Variants in MORC1 observed in about 807,000 individuals in gnomAD.
MORC1 encodes the protein MORC family CW-type zinc finger 1.
In MORC1, 59 loss-of-function variants were observed where a neutral mutation model predicts 134.9. The ratio of observed to expected loss-of-function variants is 0.44; its 90% confidence interval spans 0.35 to 0.54. MORC1 has a LOEUF of 0.54. Among genes scored for constraint, MORC1 ranks in the 20% least tolerant of loss-of-function variants. The pLI is 0.00. For missense variants in MORC1, 947 were observed against 1,134.5 expected, an observed-to-expected ratio of 0.83 and a Z score of 2.37; for synonymous variants, 395 against 391.7, an observed-to-expected ratio of 1.01 and a Z score of -0.10.
intron 13 of MORC1, among the ~76,000 whole-genome samples, 155 bp from the exon 14 acceptor site, chr3:109,055,037 A>G (rs1428197900): frequency 6.6e-6 from 1 of 152,084 alleles, no homozygotes; most frequent in African/African-American, 2.4e-5. Flanking sequence ...TAATTATGTT[A>G]TCATAAGTCT....
At chr3:109,082,149 T>C (rs1950533345) in intron 8 of MORC1, among the ~76,000 whole-genome samples, 1 of 151,912 alleles carries the variant, frequency 6.6e-6, no homozygotes, top group South Asian at 2.1e-4. Flanking sequence ...TTTCCCTATT[T>C]AGGACAGGGC....
At position 109,079,447 on chromosome 3, in the gene MORC1, T is replaced by C. The variant is rs142405098; in HGVS notation, c.690-9690A>G. On this transcript the variant is annotated intron_variant, in intron 8 of 27. Coordinates refer to ENST00000232603, the MANE Select transcript of MORC1 (RefSeq NM_014429.4). Reference sequence around the variant, plus strand: ...TATGCAGAAAAGAATAAGAATCACATTTCCTCACACAAAAAAATAAATAAA... The same window carrying C: ...TATGCAGAAAAGAATAAGAATCACACTTCCTCACACAAAAAAATAAATAAA... Among the ~76,000 whole-genome samples the C allele has an allele frequency of 5.5e-4, 83 of 152,158 alleles. 1 individual carries two copies. The highest frequency in any genetic ancestry group is 1.9e-3 in the African/African-American group (80 of 41,556).
chr3:108,978,780 T>C (rs1185953916), intron 24 of MORC1, among the ~76,000 whole-genome samples: 1 of 152,158 alleles, frequency 6.6e-6, no homozygotes, highest in Non-Finnish European at 1.5e-5. Flanking sequence ...GTAGGGCATG[T>C]TGTTTGTTTT....
At chr3:109,068,618 G>A (rs1950250254) in intron 9 of MORC1, among the ~76,000 whole-genome samples, 1 of 152,118 alleles carries the variant, frequency 6.6e-6, no homozygotes, top group South Asian at 2.1e-4. Flanking sequence ...GTTGACTGAT[G>A]GGCATTTGGG....
chr3:109,057,136 A>C (rs1949979595), intron 13 of MORC1, among the ~76,000 whole-genome samples: 1 of 152,184 alleles, frequency 6.6e-6, no homozygotes, highest in African/African-American at 2.4e-5. Flanking sequence ...AAAATTTCCC[A>C]AAGTGTGCTT....
intron 8 of MORC1, among the ~76,000 whole-genome samples, chr3:109,071,877 G>C (rs916530276): frequency 6.6e-6 from 1 of 152,110 alleles, no homozygotes; most frequent in African/African-American, 2.4e-5. Flanking sequence ...TATCAGCTAG[G>C]AAAGGTTTTA....
intron 1 of MORC1, among the ~76,000 whole-genome samples, chr3:109,116,022 C>T (rs936187911): frequency 2.0e-5 from 3 of 152,094 alleles, no homozygotes; most frequent in Middle Eastern, 3.2e-3. Context: ...GATACAAAGA[C>T]CCTCGAAGCA....
chr3:109,079,090 A>T (rs889703964), intron 8 of MORC1, among the ~76,000 whole-genome samples: 13 of 152,178 alleles, frequency 8.5e-5, no homozygotes, highest in Admixed American at 1.3e-4. Context: ...AATAATAGAA[A>T]TGGGGGAAGA....
chr3:109,068,287 G>A (rs2107702653), intron 9 of MORC1, among the ~76,000 whole-genome samples: 1 of 152,276 alleles, frequency 6.6e-6, no homozygotes, highest in East Asian at 1.9e-4. Flanking sequence ...GGTAATCTGT[G>A]AGATCCTGGT....
chr3:109,019,372 GA>G (rs1215495855), intron 17 of MORC1, among the ~76,000 whole-genome samples: 1 of 152,144 alleles, frequency 6.6e-6, no homozygotes, highest in Non-Finnish European at 1.5e-5. Flanking sequence ...GAGCTACTCA[GA>G]AAAAGAAATT....
intron 2 of MORC1, among the ~76,000 whole-genome samples, chr3:109,112,373 A>G (rs929009123): frequency 1.3e-5 from 2 of 152,230 alleles, no homozygotes; most frequent in Non-Finnish European, 2.9e-5. Context: ...TAAAATATTG[A>G]ATACAATGAT....
intron 21 of MORC1, among the ~76,000 whole-genome samples, chr3:108,999,284 G>T (rs145925562): frequency 1.3e-5 from 2 of 151,990 alleles, no homozygotes; most frequent in East Asian, 1.9e-4. Context: ...CCTTCAAAGG[G>T]CTACTTCAAA....
At chr3:109,005,905 G>A (rs1400413170) in intron 18 of MORC1, among the ~76,000 whole-genome samples, 1 of 152,080 alleles carries the variant, frequency 6.6e-6, no homozygotes, top group Non-Finnish European at 1.5e-5. Flanking sequence ...CTCCGCAACA[G>A]TGCTGAGGGC....
At chr3:108,969,965 G>A (rs2107387439) in intron 25 of MORC1, among the ~76,000 whole-genome samples, 1 of 152,248 alleles carries the variant, frequency 6.6e-6, no homozygotes, top group Middle Eastern at 3.4e-3. Flanking sequence ...TTAAAAAATT[G>A]TGCAGATACA....
At chr3:109,018,524 G>A (rs188479673) in intron 17 of MORC1, among the ~76,000 whole-genome samples, 53 of 152,028 alleles carry the variant, frequency 3.5e-4, no homozygotes, top group Admixed American at 2.9e-3. Flanking sequence ...TTACAACTCA[G>A]GGCCCTTCCC....
At chr3:109,081,952 G>A (rs565690344) in intron 8 of MORC1, among the ~76,000 whole-genome samples, 1 of 152,210 alleles carries the variant, frequency 6.6e-6, no homozygotes, top group East Asian at 1.9e-4. Context: ...ACAAGTGTCT[G>A]GAGGGAGAAA....
At chr3:108,996,967 G>A (rs1490659661) in intron 21 of MORC1, among the ~76,000 whole-genome samples, 3 of 129,404 alleles carry the variant, frequency 2.3e-5, no homozygotes, top group Non-Finnish European at 3.1e-5. Flanking sequence ...CCAAGATCGC[G>A]CCACTGCACT....
intron 17 of MORC1, among the ~76,000 whole-genome samples, chr3:109,020,863 G>A (rs1288932243): frequency 6.6e-6 from 1 of 152,114 alleles, no homozygotes; most frequent in Non-Finnish European, 1.5e-5. Flanking sequence ...CAGGTGACAA[G>A]GATTGAATGA....
intron 17 of MORC1, among the ~76,000 whole-genome samples, chr3:109,016,433 T>G (rs1249139983): frequency 6.6e-6 from 1 of 152,208 alleles, no homozygotes; most frequent in Non-Finnish European, 1.5e-5. Flanking sequence ...GTTAAGATTT[T>G]TAGGTGTGTG....
Sources: gnomAD v4.1 joint callset for allele counts (sites outside exome capture counted in the v4.1 genomes callset) on GRCh38, gnomAD v4.1.1 for gene constraint, MANE v1.5 for transcripts, NCBI Gene and HGNC (gene_info 2026-07-23, HGNC 2026-07-21) for gene names.